The following FKBP9 variants were observed in gnomAD, a reference collection of about 807,000 sequenced individuals.
FKBP9 encodes peptidyl-prolyl cis-trans isomerase FKBP9.
In FKBP9, 27 loss-of-function variants were observed where a neutral mutation model predicts 55.6. The ratio of observed to expected loss-of-function variants is 0.49; its 90% CI spans 0.36 to 0.67. The LOEUF is 0.67. FKBP9 is among the 30% of genes least tolerant of loss of function. FKBP9 has a pLI of 0.00. For missense variants in FKBP9, 539 were observed against 742.8 expected (o/e 0.73, Z 3.19); for synonymous variants, 267 against 296.5 (o/e 0.90, Z 1.02).
chr7:32,991,320 G>A (rs930928560), intron 6 of FKBP9, among the ~76,000 whole-genome samples: 10 of 152,028 alleles, frequency 6.6e-5, no homozygotes, highest in Middle Eastern at 6.8e-3. Context: ...CCTGAATCAC[G>A]TTGCTGTGGG....
intron 1 of FKBP9, among the ~76,000 whole-genome samples, chr7:32,966,076 C>T (rs1784141472): frequency 6.8e-6 from 1 of 147,076 alleles, no homozygotes. Context: ...GCCTGTAATC[C>T]CAGCTTCTAG....
chr7:32,997,795 T>G (rs2127988592), intron 7 of FKBP9, among the ~76,000 whole-genome samples: 1 of 152,262 alleles, frequency 6.6e-6, no homozygotes, highest in South Asian at 2.1e-4. Flanking sequence ...ACTGCTGCAC[T>G]GCAGCCTGAG....
chr7:32,989,192 T>C (rs1784635803), intron 6 of FKBP9, among the ~76,000 whole-genome samples: 1 of 152,200 alleles, frequency 6.6e-6, no homozygotes, highest in South Asian at 2.1e-4. Context: ...TTTTGTTTTA[T>C]ATATTATAAA....
intron 1 of FKBP9, among the ~76,000 whole-genome samples, chr7:32,959,106 TA>T (rs548884526): frequency 1.8e-3 from 254 of 144,370 alleles, no homozygotes; most frequent in African/African-American, 4.9e-3. Context: ...TTAGTTACTT[TA>T]AAAAAAAAAA....
chr7:32,976,797 G>A (rs1784371393), intron 4 of FKBP9, among the ~76,000 whole-genome samples: 2 of 152,176 alleles, frequency 1.3e-5, no homozygotes, highest in South Asian at 4.1e-4. Context: ...ATTTGACAGT[G>A]CTAGTCTGGA....
intron 6 of FKBP9, among the ~76,000 whole-genome samples, chr7:32,995,546 G>A (rs964467764): frequency 2.0e-5 from 3 of 152,164 alleles, no homozygotes; most frequent in African/African-American, 7.2e-5. Context: ...TTATTCAGAT[G>A]TGAGCTACTG....
At chr7:32,974,484 G>A in intron 1 of FKBP9, 133 bp from the exon 2 acceptor site, 1 of 676,508 alleles carries the variant, frequency 1.5e-6, no homozygotes, top group Non-Finnish European at 2.6e-6. Context: ...TCCTGTATCA[G>A]TAACTCCTAG....
intron 1 of FKBP9, 125 bp downstream of exon 1, chr7:32,957,919 G>T: frequency 1.3e-6 from 1 of 747,222 alleles, no homozygotes; most frequent in Non-Finnish European, 2.0e-6. Context: ...CCCTTCTTCC[G>T]CTGCCCAGAT....
chr7:32,966,190 CAA>C (rs60022113), intron 1 of FKBP9, among the ~76,000 whole-genome samples: 2 of 77,200 alleles, frequency 2.6e-5, no homozygotes, highest in Non-Finnish European at 5.0e-5. Context: ...GACGCCATCT[CAA>C]AAAAAAAAAA....
At chr7:32,969,133 T>C (rs990646226) in intron 1 of FKBP9, among the ~76,000 whole-genome samples, 1 of 152,120 alleles carries the variant, frequency 6.6e-6, no homozygotes, top group African/African-American at 2.4e-5. Context: ...TTATATATTC[T>C]AGATATTAAT....
At chr7:32,992,843 A>G (rs984814839) in intron 6 of FKBP9, 1 of 229,742 alleles carries the variant, frequency 4.4e-6, no homozygotes, top group Non-Finnish European at 8.6e-6. Context: ...ACGCACACAG[A>G]GAGTGTTTCC....
At position 32,974,637 on chromosome 7, in the gene FKBP9, T is replaced by C. The variant is rs753232424; in HGVS notation, c.242T>C (p.Phe81Ser). ...FDSSYDRDST[F>S]NVFVGKGQLI... Reference sequence around the variant, plus strand: ...TTCAGCTATGACAGAGACTCCACTTTCAATGTGTTTGTGGGAAAAGGACAG... The same window carrying C: ...TTCAGCTATGACAGAGACTCCACTTCCAATGTGTTTGTGGGAAAAGGACAG... The change falls in exon 2 of 10, where the codon TTC becomes TCC. Residue 81 changes from phenylalanine to serine, a missense_variant. Phe to Ser is a radical substitution (Grantham distance 155). This residue lies in a region of FKBP9 where 236 missense variants were observed against 271.5 expected (regional missense o/e 0.87). Transcript: ENST00000242209. 24 of 1,613,868 alleles carry C rather than the reference T, an allele frequency of 1.5e-5. No individual in the cohort carries two copies. In the East Asian group the frequency reaches 5.1e-4, roughly 34 times the overall value.
chr7:32,988,996 T>C (rs906387161), intron 6 of FKBP9: 2 of 172,992 alleles, frequency 1.2e-5, no homozygotes, highest in Non-Finnish European at 2.5e-5. Flanking sequence ...TTCTCCTTGT[T>C]TCTCTGCCCA....
chr7:32,994,475 G>A (rs1784746464), intron 6 of FKBP9, among the ~76,000 whole-genome samples: 1 of 152,080 alleles, frequency 6.6e-6, no homozygotes, highest in Non-Finnish European at 1.5e-5. Context: ...CCCTGTCCAT[G>A]TGTGTTAGCT....
Position 32,975,356 on chromosome 7 carries a change from C to A in FKBP9, c.542C>A (p.Thr181Asn). ...YHYNGTFLDGTLFDSSHNRMK... is the reference protein window; with the variant it reads ...YHYNGTFLDGNLFDSSHNRMK... The stretch of plus-strand genomic sequence containing the variant: ...TACAACGGGACGTTCCTGGACGGAA[C>A]TCTGTTTGATTCGAGGTAAGTCCTG... Residue 181 changes from threonine (T) to asparagine (N), a missense_variant, in exon 3 of 10, where the codon ACT becomes AAT. Thr to Asn is a moderately conservative substitution (Grantham distance 65). Coordinates refer to ENST00000242209, the MANE Select transcript of FKBP9 (RefSeq NM_007270.5). The A allele has an allele frequency of 1.2e-6, 2 of 1,613,870 alleles. No individual in the cohort carries two copies. Among genetic ancestry groups the A allele is most frequent in the Middle Eastern group, 1.7e-4 (1 of 6,052 alleles).
chr7:32,988,863 G>T (rs1350982067), intron 6 of FKBP9: 12 of 518,362 alleles, frequency 2.3e-5, no homozygotes, highest in African/African-American at 1.9e-5. Context: ...AGAGTAGCTG[G>T]CACTACAGGC....
intron 7 of FKBP9, among the ~76,000 whole-genome samples, chr7:32,998,096 A>G (rs1399723631): frequency 1.3e-5 from 2 of 152,234 alleles, no homozygotes; most frequent in Non-Finnish European, 2.9e-5. Flanking sequence ...CAGGGCCCAG[A>G]TGTACAGGGA....
chr7:32,989,551 GACTACAGGCATGTGCC>G (rs925830762), intron 6 of FKBP9, among the ~76,000 whole-genome samples: 5 of 151,970 alleles, frequency 3.3e-5, no homozygotes, highest in Non-Finnish European at 7.4e-5. Flanking sequence ...AAGTAGCTGG[GACTACAGGCATGTGCC>G]ACCACGCCTG....
chr7:32,989,593 T>G (rs908726883), intron 6 of FKBP9, among the ~76,000 whole-genome samples: 1 of 151,808 alleles, frequency 6.6e-6, no homozygotes, highest in African/African-American at 2.4e-5. Flanking sequence ...TTTTTTTTTT[T>G]AATTTTCAGT....
Sources: allele counts gnomAD v4.1 joint callset (sites outside exome capture counted in the v4.1 genomes callset), GRCh38; gene constraint gnomAD v4.1.1; regional missense constraint gnomAD v4.1.1; transcripts MANE v1.5; gene names NCBI Gene and HGNC (gene_info 2026-07-23, HGNC 2026-07-21).